The following DGKB variants were observed in gnomAD, a reference collection of about 807,000 sequenced individuals.
The protein encoded by DGKB is 90 kDa diacylglycerol kinase.
DGKB carries 67 observed loss-of-function variants against 114.3 expected under a neutral mutation model. The ratio of observed to expected loss-of-function variants is 0.59; its 90% CI spans 0.48 to 0.72. The LOEUF is 0.72. Ranked by LOEUF, DGKB falls within the 30% of genes least tolerant of loss-of-function variation. The pLI is 0.00. For missense variants in DGKB, 907 were observed against 975.2 expected (o/e 0.93, Z 0.93); for synonymous variants, 398 against 323.1 (o/e 1.23, Z -2.49).
chr7:14,800,073 C>T (rs533729869), intron 2 of DGKB, among the ~76,000 whole-genome samples: 38 of 152,234 alleles, frequency 2.5e-4, no homozygotes, highest in Non-Finnish European at 4.7e-4. Context: ...TACACCACCG[C>T]GCCTGGCTAA....
At chr7:14,887,334 G>A (rs1389305641) in intron 1 of DGKB, among the ~76,000 whole-genome samples, 1 of 151,662 alleles carries the variant, frequency 6.6e-6, no homozygotes, top group Non-Finnish European at 1.5e-5. Flanking sequence ...TCCTTTCTTG[G>A]CAGCAGAGGC....
chr7:14,569,843 T>G (rs1798114689), intron 20 of DGKB, among the ~76,000 whole-genome samples: 1 of 151,788 alleles, frequency 6.6e-6, no homozygotes, highest in Non-Finnish European at 1.5e-5. Context: ...GAATAGAAAA[T>G]GTCTCCATTT....
At chr7:14,561,099 T>G (rs539103314) in intron 20 of DGKB, among the ~76,000 whole-genome samples, 2 of 152,284 alleles carry the variant, frequency 1.3e-5, no homozygotes, top group East Asian at 1.9e-4. Flanking sequence ...AATCCCCACA[T>G]GTCATTGGAG....
intron 13 of DGKB, among the ~76,000 whole-genome samples, chr7:14,640,799 C>A (rs1811631384): frequency 1.3e-5 from 2 of 152,176 alleles, no homozygotes; most frequent in Non-Finnish European, 2.9e-5. Flanking sequence ...TACATAAATA[C>A]TTTCTGATCA....
chr7:14,271,342 T>C (rs575938797), intron 23 of DGKB, among the ~76,000 whole-genome samples: 1 of 152,002 alleles, frequency 6.6e-6, no homozygotes, highest in Non-Finnish European at 1.5e-5. Context: ...GCCTCAGTCT[T>C]CCTTAAAAAT....
chr7:14,660,095 G>T (rs1816721603), intron 13 of DGKB, among the ~76,000 whole-genome samples: 1 of 151,202 alleles, frequency 6.6e-6, no homozygotes, highest in Non-Finnish European at 1.5e-5. Flanking sequence ...ACATGATCAT[G>T]GTGGATAAGC....
intron 23 of DGKB, among the ~76,000 whole-genome samples, chr7:14,260,936 A>G (rs577562629): frequency 6.6e-6 from 1 of 152,320 alleles, no homozygotes; most frequent in South Asian, 2.1e-4. Context: ...AACGAAATCA[A>G]AGAGTCATGA....
chr7:14,602,637 C>T (rs1397062229), intron 17 of DGKB, among the ~76,000 whole-genome samples: 2 of 152,186 alleles, frequency 1.3e-5, no homozygotes, highest in Admixed American at 1.3e-4. Context: ...AGCAAGAAGA[C>T]ACCACCTTGG....
chr7:14,252,801 C>G (rs974549232), intron 23 of DGKB, among the ~76,000 whole-genome samples: 1 of 152,152 alleles, frequency 6.6e-6, no homozygotes, highest in African/African-American at 2.4e-5. Flanking sequence ...CTGTGGTTGA[C>G]AGAAAGTGGA....
chr7:14,320,384 C>G (rs10215596), intron 23 of DGKB, among the ~76,000 whole-genome samples: 12 of 152,058 alleles, frequency 7.9e-5, no homozygotes, highest in African/African-American at 2.7e-4. Context: ...CCAAGTAGCA[C>G]GTCCAGAGCT....
chr7:14,663,957 C>T (rs1047016099), intron 13 of DGKB, among the ~76,000 whole-genome samples: 13 of 151,868 alleles, frequency 8.6e-5, no homozygotes, highest in African/African-American at 2.9e-4. Flanking sequence ...TCAAAATTAC[C>T]ATTTGTCCAG....
At chr7:14,506,609 C>A (rs1340643866) in intron 20 of DGKB, among the ~76,000 whole-genome samples, 1 of 152,068 alleles carries the variant, frequency 6.6e-6, no homozygotes, top group Non-Finnish European at 1.5e-5. Context: ...CAAAGATGTG[C>A]CATAGATTCA....
At chr7:14,735,460 T>G (rs772342727) in intron 5 of DGKB, among the ~76,000 whole-genome samples, 2 of 152,184 alleles carry the variant, frequency 1.3e-5, no homozygotes, top group Non-Finnish European at 2.9e-5. Context: ...TGTTTTACAT[T>G]GGGTAATACA....
At chr7:14,674,044 A>G (rs1389134986) in intron 12 of DGKB, among the ~76,000 whole-genome samples, 2 of 152,122 alleles carry the variant, frequency 1.3e-5, no homozygotes, top group Non-Finnish European at 2.9e-5. Context: ...ATAGGAGTCT[A>G]ATGAGAGTTG....
Position 14,392,995 on chromosome 7 carries a change from G to GTTTTTGTTTTTT in DGKB, c.1836-47605_1836-47604insAAAAAACAAAAA. 3.8e-4 allele frequency among the ~76,000 whole-genome samples: 23 copies of GTTTTTGTTTTTT among 60,524 alleles called. 4 individuals carry two copies. Among genetic ancestry groups the GTTTTTGTTTTTT allele is most frequent in the East Asian group, 1.6e-3 (3 of 1,870 alleles). The allele number at this position is 60,524 out of a possible 152,430, so 39.7% of individuals were successfully genotyped here. The stretch of plus-strand genomic sequence containing the variant: ...CAAAACAGACCTGTTTTTTGTTTTT[G>GTTTTTGTTTTTT]TTTTTTTTTTTTTGAGACGGAGTCT... On this transcript the variant is annotated intron_variant, in intron 21 of 25. Coordinates refer to ENST00000402815, the MANE Select transcript of DGKB (RefSeq NM_001350709.2).
chr7:14,679,148 G>C (rs1820398932), intron 12 of DGKB, among the ~76,000 whole-genome samples: 1 of 150,956 alleles, frequency 6.6e-6, no homozygotes, highest in African/African-American at 2.4e-5. Flanking sequence ...ACAGGAGAGA[G>C]AGAAATGACG....
At chr7:14,490,452 C>CT (rs1784445433) in intron 20 of DGKB, among the ~76,000 whole-genome samples, 1 of 152,044 alleles carries the variant, frequency 6.6e-6, no homozygotes. Context: ...AGCCACGTGC[C>CT]CAGCTAATAA....
intron 21 of DGKB, among the ~76,000 whole-genome samples, chr7:14,370,737 C>T (rs1362673797): frequency 2.6e-5 from 4 of 152,038 alleles, no homozygotes; most frequent in Non-Finnish European, 4.4e-5. Context: ...TTGCATGAAG[C>T]TGAAGTTTGA....
rs187952724 is a variant in DGKB, at chr7:14,773,283, G to A, written c.71-15552C>T. On this transcript the variant is annotated intron_variant, in intron 2 of 25. Coordinates refer to ENST00000402815, the MANE Select transcript of DGKB (RefSeq NM_001350709.2). ...TGTTTCAGTATTTATTATTACTTGG[G>A]AAAATTTGGTTGGGTGTTTTCATAG... Among the ~76,000 whole-genome samples the A allele has an allele frequency of 4.4e-3, 662 of 152,076 alleles. 8 individuals carry two copies. The highest frequency in any genetic ancestry group is 0.015 in the African/African-American group (619 of 41,474).
Sources: allele counts gnomAD v4.1 joint callset (sites outside exome capture counted in the v4.1 genomes callset), GRCh38; gene constraint gnomAD v4.1.1; transcripts MANE v1.5; gene names NCBI Gene and HGNC (gene_info 2026-07-23, HGNC 2026-07-21).